The following ADAMTS2 variants were observed in gnomAD, a reference collection of about 807,000 sequenced individuals.
ADAMTS2 encodes the protein ADAM metallopeptidase with thrombospondin type 1 motif 2, also known as A disintegrin and metalloproteinase with thrombospondin motifs 2.
ADAMTS2 carries 50 observed loss-of-function variants against 123.0 expected under a neutral mutation model. The observed-to-expected ratio is 0.41, with a 90% CI of 0.32 to 0.51. The LOEUF is 0.51. Among genes scored for constraint, ADAMTS2 ranks in the 20% least tolerant of loss-of-function variants. The pLI is 0.35. For synonymous variants in ADAMTS2, 678 were observed against 695.4 expected (o/e 0.98, Z 0.39); for missense variants, 1,494 against 1,705.2 (o/e 0.88, Z 2.18).
chr5:179,278,855 A>G (rs1267453721), intron 2 of ADAMTS2, among the ~76,000 whole-genome samples: 1 of 151,706 alleles, frequency 6.6e-6, no homozygotes, highest in Non-Finnish European at 1.5e-5. Flanking sequence ...TCTTCCTTCT[A>G]TAGAACCTGC....
rs888666171 is a variant in ADAMTS2, at chr5:179,317,532, G to A, written c.534+26235C>T. On this transcript the variant is annotated intron_variant, in intron 2 of 21. Coordinates refer to ENST00000251582, the MANE Select transcript of ADAMTS2 (RefSeq NM_014244.5). This position sits in a 1 kb window ranked among gnomAD's most constrained non-coding sequence, Gnocchi z 4.9. ...GCACGGACCCAGAGGCCATCCCAGC[G>A]ACACTGTGTGGGGACTCCTGCACCT... Among the ~76,000 whole-genome samples the A allele has an allele frequency of 1.2e-4, 19 of 152,288 alleles. No homozygotes were observed. Among genetic ancestry groups the A allele is most frequent in the African/African-American group, 4.3e-4 (18 of 41,552 alleles).
At chr5:179,154,594 C>T (rs1231568421) in intron 7 of ADAMTS2, among the ~76,000 whole-genome samples, 1 of 152,240 alleles carries the variant, frequency 6.6e-6, no homozygotes, top group Non-Finnish European at 1.5e-5. Flanking sequence ...CCCAGAGCGC[C>T]TGCTCAGTCT....
At chr5:179,292,094 T>C (rs1756205261) in intron 2 of ADAMTS2, among the ~76,000 whole-genome samples, 1 of 151,940 alleles carries the variant, frequency 6.6e-6, no homozygotes, top group Non-Finnish European at 1.5e-5. Flanking sequence ...TCACATTTTC[T>C]TGCACACTCT....
At chr5:179,261,269 A>G (rs1766216227) in intron 3 of ADAMTS2, among the ~76,000 whole-genome samples, 1 of 152,208 alleles carries the variant, frequency 6.6e-6, no homozygotes, top group Admixed American at 6.5e-5. Context: ...TAACCAAAGA[A>G]GCGCAAATTA....
At chr5:179,297,981 G>A (rs1315961441) in intron 2 of ADAMTS2, among the ~76,000 whole-genome samples, 1 of 151,850 alleles carries the variant, frequency 6.6e-6, no homozygotes, top group Non-Finnish European at 1.5e-5. Context: ...AATGCCCATG[G>A]CCTCTGTCCC....
intron 4 of ADAMTS2, among the ~76,000 whole-genome samples, chr5:179,199,378 C>T (rs922054823): frequency 1.2e-4 from 19 of 152,170 alleles, no homozygotes. Flanking sequence ...CCACGGCTGG[C>T]AGGAAAGGGG....
intron 3 of ADAMTS2, among the ~76,000 whole-genome samples, chr5:179,268,518 C>A (rs556686539): frequency 1.3e-5 from 2 of 152,338 alleles, no homozygotes; most frequent in South Asian, 4.1e-4. Context: ...TGTGTGGCAA[C>A]CTTCACAGAG....
intron 5 of ADAMTS2, among the ~76,000 whole-genome samples, chr5:179,163,501 C>T (rs1763638169): frequency 6.6e-6 from 1 of 152,154 alleles, no homozygotes; most frequent in African/African-American, 2.4e-5. Flanking sequence ...TAAACACTGG[C>T]TCAAATTGAA....
intron 5 of ADAMTS2, among the ~76,000 whole-genome samples, chr5:179,177,896 A>G (rs76926279): frequency 0.021 from 3,226 of 152,286 alleles, 101 homozygotes; most frequent in African/African-American, 0.073. Flanking sequence ...TTTCAGGCCA[A>G]ATAAGATCCA....
intron 7 of ADAMTS2, among the ~76,000 whole-genome samples, 162 bp from the exon 8 acceptor site, chr5:179,154,354 A>G (rs1373886989): frequency 6.6e-6 from 1 of 152,102 alleles, no homozygotes; most frequent in Non-Finnish European, 1.5e-5. Context: ...CTGCAATTTG[A>G]AAGCCGAGGC....
chr5:179,114,116 G>T lies in ADAMTS2; in HGVS notation c.3387C>A (p.Ala1129=). 6.2e-7 allele frequency: 1 copy of T among 1,614,074 alleles called. No individual in the cohort carries two copies. The highest frequency in any genetic ancestry group is 1.3e-5 in the African/African-American group (1 of 75,030). Residue 1129 remains alanine, a synonymous_variant, in exon 22 of 22, where the codon GCC becomes GCA. Coordinates refer to ENST00000251582, the MANE Select transcript of ADAMTS2 (RefSeq NM_014244.5). The part of the protein sequence containing the change: ...FMPTLPVPTV[A]MEVRPSPSTP... ...TGCTTGGTGATGGCCGCACCTCCAT[G>T]GCTACAGTGGGCACTGGGAGGGTAG... is the stretch of plus-strand genomic sequence containing the variant.
intron 1 of ADAMTS2, among the ~76,000 whole-genome samples, chr5:179,344,373 C>T (rs1343026115): frequency 6.6e-6 from 1 of 152,214 alleles, no homozygotes; most frequent in East Asian, 1.9e-4. Context: ...CTCCGCCACT[C>T]CCCAGCCGTT....
rs903855836 is a variant in ADAMTS2 at position 179,314,395 on chromosome 5, G to C, written c.534+29372C>G. On this transcript the variant is annotated intron_variant, in intron 2 of 21. Transcript: ENST00000251582. The surrounding 1 kb of genome is among the most constrained non-coding windows in gnomAD (Gnocchi z 4.5). ...GAGCGCAGAGGAGAGTGCAGGGAGC[G>C]GCAAGGCCAGGCTCCTCCCCACCCC... Among the ~76,000 whole-genome samples the C allele has an allele frequency of 6.6e-6, 1 of 152,154 alleles. No homozygotes were observed. Among genetic ancestry groups the C allele is most frequent in the African/African-American group, 2.4e-5 (1 of 41,402 alleles).
In ADAMTS2 at chr5:179,288,844, G is replaced by A. The variant is rs1756103674; in HGVS notation, c.535-15780C>T. On this transcript the variant is annotated intron_variant, in intron 2 of 21. Coordinates refer to ENST00000251582, the MANE Select transcript of ADAMTS2 (RefSeq NM_014244.5). ...GGACAAGGCCACCAGGTGTCACACTGGGAGACAGTGGCACCCCAGGGTATG... is the reference window on the plus strand; with the variant it reads ...GGACAAGGCCACCAGGTGTCACACTAGGAGACAGTGGCACCCCAGGGTATG... Among the ~76,000 whole-genome samples the A allele has an allele frequency of 2.0e-5, 3 of 152,216 alleles. No homozygotes were observed. In the South Asian group the frequency reaches 6.2e-4, roughly 32 times the overall value.
At chr5:179,311,197 C>T (rs909452803) in intron 2 of ADAMTS2, among the ~76,000 whole-genome samples, 6 of 152,212 alleles carry the variant, frequency 3.9e-5, no homozygotes, top group South Asian at 4.1e-4. Flanking sequence ...AGGAAGGCCA[C>T]GTCCCCATCC....
intron 2 of ADAMTS2, among the ~76,000 whole-genome samples, chr5:179,321,930 C>G (rs1757193295): frequency 1.3e-5 from 2 of 152,174 alleles, no homozygotes; most frequent in Non-Finnish European, 2.9e-5. Flanking sequence ...ATTATGCTGC[C>G]TCTATTGAAA....
At chr5:179,146,209 G>C (rs918040357) in intron 10 of ADAMTS2, among the ~76,000 whole-genome samples, 2 of 152,164 alleles carry the variant, frequency 1.3e-5, no homozygotes, top group Admixed American at 1.3e-4. Flanking sequence ...AAAGCTGTTA[G>C]GGAAAAAAAC....
intron 4 of ADAMTS2, among the ~76,000 whole-genome samples, chr5:179,182,318 T>G (rs1294740892): frequency 6.6e-6 from 1 of 152,174 alleles, no homozygotes; most frequent in Non-Finnish European, 1.5e-5. Context: ...ACTGGCTGTG[T>G]GCAGACCGAG....
rs73807104 is a variant in ADAMTS2 at position 179,285,363 on chromosome 5, G to A, written c.535-12299C>T. On this transcript the variant is annotated intron_variant, in intron 2 of 21. Transcript: ENST00000251582. This position sits in a 1 kb window ranked among gnomAD's most constrained non-coding sequence, Gnocchi z 4.9. ...CAAGATGCCGACAAGAATGCCTCACGGGGCCAGCGCAGGGGCCAGCCAGGC... is the reference window on the plus strand; with the variant it reads ...CAAGATGCCGACAAGAATGCCTCACAGGGCCAGCGCAGGGGCCAGCCAGGC... Among the ~76,000 whole-genome samples the A allele has an allele frequency of 4.1e-3, 612 of 150,200 alleles. 6 individuals carry two copies. Among genetic ancestry groups the A allele is most frequent in the African/African-American group, 0.015 (588 of 39,544 alleles).
Sources: allele counts gnomAD v4.1 joint callset (sites outside exome capture counted in the v4.1 genomes callset), GRCh38; gene constraint gnomAD v4.1.1; non-coding constraint Gnocchi (gnomAD v3.1); transcripts MANE v1.5; gene names NCBI Gene and HGNC (gene_info 2026-07-23, HGNC 2026-07-21).